Variants in POT1 observed in about 807,000 individuals in gnomAD.
POT1 encodes the protein protection of telomeres 1.
POT1 carries 47 observed loss-of-function variants against 78.5 expected under a neutral mutation model. That is an observed-to-expected ratio of 0.60 (90% confidence interval 0.47 to 0.76). The LOEUF (loss-of-function observed/expected upper bound fraction) is 0.76. Among genes scored for constraint, POT1 ranks in the 30% least tolerant of loss-of-function variants. The pLI is 0.00. For missense variants in POT1, 646 were observed against 749.9 expected (o/e 0.86, Z 1.62); for synonymous variants, 259 against 260.7 (o/e 0.99, Z 0.06).
chr7:124,890,476 C>T (rs1444561224), intron 6 of POT1, among the ~76,000 whole-genome samples: 1 of 151,870 alleles, frequency 6.6e-6, no homozygotes, highest in African/African-American at 2.4e-5. Context: ...GAAATAAGTT[C>T]TACTGTGAAT....
chr7:124,845,256 TCA>T (rs1795137308), intron 12 of POT1, among the ~76,000 whole-genome samples: 1 of 152,232 alleles, frequency 6.6e-6, no homozygotes. Flanking sequence ...GGACCATGTA[TCA>T]CATTTAATTC....
At chr7:124,924,760 C>G (rs535931909) in intron 2 of POT1, among the ~76,000 whole-genome samples, 1 of 152,196 alleles carries the variant, frequency 6.6e-6, no homozygotes, top group South Asian at 2.1e-4. Context: ...AAAGATCATA[C>G]ACCATGATCA....
At chr7:124,899,206 A>G (rs984293515) in intron 3 of POT1, among the ~76,000 whole-genome samples, 1 of 152,220 alleles carries the variant, frequency 6.6e-6, no homozygotes, top group Non-Finnish European at 1.5e-5. Context: ...GAGCATACTG[A>G]AGATAGTGGT....
At chr7:124,888,812 T>A (rs1376952377) in intron 6 of POT1, among the ~76,000 whole-genome samples, 1 of 151,954 alleles carries the variant, frequency 6.6e-6, no homozygotes, top group Non-Finnish European at 1.5e-5. Context: ...TGTTTTGGGG[T>A]AGCACAAATC....
intron 15 of POT1, among the ~76,000 whole-genome samples, chr7:124,834,425 TG>T (rs1198218149): frequency 6.6e-6 from 1 of 151,754 alleles, no homozygotes; most frequent in Non-Finnish European, 1.5e-5. Flanking sequence ...CATCAAAAAG[TG>T]GGTGAAGGAT....
At chr7:124,828,984 A>C in intron 16 of POT1, 1 of 663,070 alleles carries the variant, frequency 1.5e-6, no homozygotes, top group Non-Finnish European at 2.8e-6. Context: ...TTCTGAGAAA[A>C]GCACTGGTAA....
chr7:124,858,716 A>G, intron 9 of POT1: 1 of 269,384 alleles, frequency 3.7e-6, no homozygotes, highest in Non-Finnish European at 6.8e-6. Flanking sequence ...TTTTCACAGT[A>G]AAATTATGTA....
intron 15 of POT1, among the ~76,000 whole-genome samples, chr7:124,834,363 G>A (rs1407901638): frequency 6.6e-6 from 1 of 151,910 alleles, no homozygotes; most frequent in Non-Finnish European, 1.5e-5. Flanking sequence ...CTGACAAAGG[G>A]CTAATATCTA....
chr7:124,843,336 AAAATATTATTTGC>A (rs1318697261), intron 12 of POT1: 5 of 156,084 alleles, frequency 3.2e-5, no homozygotes, highest in Non-Finnish European at 7.1e-5. Context: ...ACACACTTGT[AAAATATTATTTGC>A]AAATATTATT....
In POT1 at chr7:124,895,842, G is replaced by A. The variant is rs79736089; in HGVS notation, c.9+1323C>T. Among the ~76,000 whole-genome samples the A allele has an allele frequency of 5.8e-3, 884 of 151,598 alleles. 3 individuals carry two copies. Among genetic ancestry groups the A allele is most frequent in the Non-Finnish European group, 0.01 (702 of 67,608 alleles). On this transcript the variant is annotated intron_variant, in intron 5 of 18. Coordinates refer to ENST00000357628, the MANE Select transcript of POT1 (RefSeq NM_015450.3). ...GGATGGCTGGAGTGTACTGGTCAAAGGTAATGACAAGATTAGGTTGAATAA... is the reference window on the plus strand; with the variant it reads ...GGATGGCTGGAGTGTACTGGTCAAAAGTAATGACAAGATTAGGTTGAATAA...
chr7:124,836,819 A>C (rs1449707269), intron 14 of POT1, among the ~76,000 whole-genome samples: 1 of 152,256 alleles, frequency 6.6e-6, no homozygotes, highest in Non-Finnish European at 1.5e-5. Context: ...GACTATTACT[A>C]TCAATATTTT....
chr7:124,831,914 A>G (rs1794767371), intron 15 of POT1, among the ~76,000 whole-genome samples: 1 of 151,748 alleles, frequency 6.6e-6, no homozygotes, highest in South Asian at 2.1e-4. Context: ...AGTTTGGAAA[A>G]GTAGCTACCT....
chr7:124,831,813 T>C (rs1794764719), intron 15 of POT1, among the ~76,000 whole-genome samples: 1 of 151,816 alleles, frequency 6.6e-6, no homozygotes, highest in South Asian at 2.1e-4. Flanking sequence ...ACAGTTTATA[T>C]AAATTTAAAA....
rs76496261 is a variant in POT1 at position 124,853,013 on chromosome 7, C to A, written c.828G>T (p.Arg276Ser). The A allele has an allele frequency of 6.2e-7, 1 of 1,613,460 alleles. No individual in the cohort carries two copies. ...HGGTSYGRGI[R>S]VLPESNSDVD... Reference sequence around the variant, plus strand: ...CATCAGAGTTACTTTCTGGCAAGACCCTGATTCCCCGACCGTAACTGGTAC... The same window carrying A: ...CATCAGAGTTACTTTCTGGCAAGACACTGATTCCCCGACCGTAACTGGTAC... The change falls in exon 10 of 19, where the codon AGG (arginine) becomes AGT (serine). Residue 276 changes from arginine to serine, a missense_variant. Arg to Ser is a moderately radical substitution (Grantham distance 110). Transcript: ENST00000357628.
chr7:124,897,208 T>A lies in POT1; in HGVS notation c.-35A>T. ...AGAAAAATCTCTTAAAGATTTGACA[T>A]AAACCTGAAGGAAAAAAAGAAAGAA... is the stretch of plus-strand genomic sequence containing the variant. On this transcript the variant is annotated 5_prime_UTR_variant, in exon 5 of 19. It removes an upstream start codon present in the reference 5' UTR. Transcript: ENST00000357628. The A allele has an allele frequency of 7.1e-7, 1 of 1,407,462 alleles. No individual in the cohort carries two copies. Among genetic ancestry groups the A allele is most frequent in the Non-Finnish European group, 9.8e-7 (1 of 1,015,938 alleles). The allele number at this position is 1,407,462 out of a possible 1,614,324, so 87.2% of individuals were successfully genotyped here. A position where few individuals can be genotyped will look rare whatever the true frequency, so the allele number is the denominator to read the frequency against.
Position 124,917,692 on chromosome 7 carries a change from T to C in POT1, c.-226-2046A>G, listed in dbSNP as rs1032697037. Among the ~76,000 whole-genome samples the C allele has an allele frequency of 6.6e-5, 10 of 152,314 alleles. 1 individual carries two copies. The highest frequency in any genetic ancestry group is 2.0e-4 in the Admixed American group (3 of 15,296). On this transcript the variant is annotated intron_variant, in intron 2 of 18. Transcript: ENST00000357628. ...CAAATTAAACTCAAAGCAGGTGCTT[T>C]TGCTTCACTTGTATGTGATCCAACT... is the stretch of plus-strand genomic sequence containing the variant.
intron 10 of POT1, among the ~76,000 whole-genome samples, chr7:124,852,689 G>A (rs1375058764): frequency 6.6e-6 from 1 of 151,896 alleles, no homozygotes; most frequent in East Asian, 1.9e-4. Context: ...AGTTTCCCCT[G>A]TTTGTTGCTG....
intron 6 of POT1, among the ~76,000 whole-genome samples, chr7:124,882,561 G>T (rs1796143641): frequency 6.6e-6 from 1 of 151,972 alleles, no homozygotes; most frequent in African/African-American, 2.4e-5. Flanking sequence ...ACACAGATTA[G>T]ATAGATGTTA....
chr7:124,865,894 T>C (rs1269367926), intron 7 of POT1, among the ~76,000 whole-genome samples: 1 of 152,114 alleles, frequency 6.6e-6, no homozygotes. Context: ...ACATTTGGGC[T>C]ACCATGGAGT....
Sources: gnomAD v4.1 joint callset for allele counts (sites outside exome capture counted in the v4.1 genomes callset) on GRCh38, gnomAD v4.1.1 for gene constraint, MANE v1.5 for transcripts, NCBI Gene and HGNC (gene_info 2026-07-23, HGNC 2026-07-21) for gene names.